Variants in ENPP2 observed in about 807,000 individuals in gnomAD.
ENPP2 encodes the protein ectonucleotide pyrophosphatase/phosphodiesterase 2, also known as autotaxin.
ENPP2 carries 51 observed loss-of-function variants against 120.2 expected under a neutral mutation model. The ratio of observed to expected loss-of-function variants is 0.42; its 90% confidence interval spans 0.34 to 0.54. The LOEUF is 0.54. Ranked by LOEUF, ENPP2 falls within the 20% of genes least tolerant of loss-of-function variation. ENPP2 has a pLI of 0.04. For synonymous variants in ENPP2, 365 were observed against 366.4 expected (o/e 1.00, Z 0.04); for missense variants, 920 against 1,066.5 (o/e 0.86, Z 1.91).
At chr8:119,583,399 G>A (rs1812885362) in intron 17 of ENPP2, among the ~76,000 whole-genome samples, 1 of 152,226 alleles carries the variant, frequency 6.6e-6, no homozygotes, top group South Asian at 2.1e-4. Flanking sequence ...TGGAGGTGGA[G>A]GGGACTCTGT....
intron 12 of ENPP2, chr8:119,593,068 G>T: frequency 2.6e-6 from 1 of 385,438 alleles, no homozygotes; most frequent in African/African-American, 2.2e-5. Flanking sequence ...CAGTCTGCAT[G>T]TCTCTGAGCC....
intron 18 of ENPP2, among the ~76,000 whole-genome samples, chr8:119,581,763 CTTT>C (rs35114182): frequency 2.1e-5 from 3 of 141,090 alleles, no homozygotes; most frequent in Non-Finnish European, 3.1e-5. Flanking sequence ...TTTTCATTTC[CTTT>C]TTTTTTTTTT....
chr8:119,631,020 G>A (rs1056986463), intron 2 of ENPP2, among the ~76,000 whole-genome samples: 3 of 149,610 alleles, frequency 2.0e-5, no homozygotes, highest in East Asian at 3.9e-4. Flanking sequence ...TCAGCCTCCC[G>A]AGTAGCTGGA....
intron 17 of ENPP2, among the ~76,000 whole-genome samples, chr8:119,583,238 T>C (rs1309769747): frequency 6.6e-6 from 1 of 152,182 alleles, no homozygotes; most frequent in African/African-American, 2.4e-5. Context: ...ACTCCCCCTC[T>C]AACCACCAGA....
intron 24 of ENPP2, among the ~76,000 whole-genome samples, chr8:119,559,829 C>T (rs1813775538): frequency 6.6e-6 from 1 of 152,130 alleles, no homozygotes; most frequent in African/African-American, 2.4e-5. Flanking sequence ...ACTTTCTCCC[C>T]AGGTTTGTGA....
At chr8:119,653,436 G>C (rs974714867) in intron 1 of ENPP2, among the ~76,000 whole-genome samples, 5 of 152,142 alleles carry the variant, frequency 3.3e-5, no homozygotes, top group African/African-American at 1.2e-4. Context: ...TTTCAGTTAG[G>C]CAGCAACAAA....
chr8:119,660,405 T>C (rs1203695809), intron 1 of ENPP2, among the ~76,000 whole-genome samples: 1 of 152,206 alleles, frequency 6.6e-6, no homozygotes, highest in Non-Finnish European at 1.5e-5. Context: ...GGAGCTGGGA[T>C]GTAAGCAGTG....
At chr8:119,601,807 C>T (rs939878074) in intron 9 of ENPP2, among the ~76,000 whole-genome samples, 1 of 152,082 alleles carries the variant, frequency 6.6e-6, no homozygotes, top group African/African-American at 2.4e-5. Context: ...TAGCTGTGGC[C>T]ATAAAGGGAT....
intron 2 of ENPP2, among the ~76,000 whole-genome samples, chr8:119,628,174 T>C (rs1816414574): frequency 6.6e-6 from 1 of 152,128 alleles, no homozygotes; most frequent in Admixed American, 6.6e-5. Flanking sequence ...TAGATTAATG[T>C]TGTGGATGGG....
At chr8:119,617,281 A>T in intron 6 of ENPP2, 38 bp from the exon 7 acceptor site, 1 of 1,499,534 alleles carries the variant, frequency 6.7e-7, no homozygotes, top group South Asian at 1.1e-5. Context: ...CAAGAGAACC[A>T]ACAGGAATTG....
intron 24 of ENPP2, among the ~76,000 whole-genome samples, chr8:119,559,904 C>T (rs1356145651): frequency 6.6e-6 from 1 of 152,190 alleles, no homozygotes; most frequent in African/African-American, 2.4e-5. Flanking sequence ...GAACAGGTGA[C>T]CCTTCAACGA....
chr8:119,663,223 T>C (rs1424455994), intron 1 of ENPP2, among the ~76,000 whole-genome samples: 1 of 151,956 alleles, frequency 6.6e-6, no homozygotes, highest in African/African-American at 2.4e-5. Context: ...TCAAGTTAGG[T>C]CAAAAAACAA....
At chr8:119,628,902 G>T (rs1816462714) in intron 2 of ENPP2, among the ~76,000 whole-genome samples, 1 of 152,160 alleles carries the variant, frequency 6.6e-6, no homozygotes, top group Non-Finnish European at 1.5e-5. Flanking sequence ...TAGGGAAAAT[G>T]AGAAAGAAAG....
At chr8:119,625,642 G>T (rs1340424939) in intron 3 of ENPP2, among the ~76,000 whole-genome samples, 1 of 152,220 alleles carries the variant, frequency 6.6e-6, no homozygotes, top group African/African-American at 2.4e-5. Context: ...TTCTGGTGAT[G>T]TCAAGAACAG....
intron 1 of ENPP2, among the ~76,000 whole-genome samples, chr8:119,652,659 G>T (rs1817659810): frequency 6.6e-6 from 1 of 152,118 alleles, no homozygotes; most frequent in South Asian, 2.1e-4. Flanking sequence ...AGCTTCCTAA[G>T]CATCAAGAGA....
chr8:119,557,800 G>C, intron 24 of ENPP2, 109 bp from the exon 25 acceptor site: 1 of 867,338 alleles, frequency 1.2e-6, no homozygotes, highest in Non-Finnish European at 1.7e-6. Context: ...CTTGCACACA[G>C]AGCCAACGCA....
intron 1 of ENPP2, among the ~76,000 whole-genome samples, chr8:119,662,434 C>T (rs1345915152): frequency 6.6e-6 from 1 of 152,058 alleles, no homozygotes; most frequent in Non-Finnish European, 1.5e-5. Flanking sequence ...AATAGCACTA[C>T]CTGGGAACTA....
chr8:119,597,277 G>A lies in ENPP2; in HGVS notation c.972+3401C>T, dbSNP rs536372289. Among the ~76,000 whole-genome samples the A allele has an allele frequency of 1.5e-3, 229 of 152,250 alleles. 2 individuals carry two copies. The South Asian group carries it at 0.017, about 11-fold the overall frequency. ...CAGCAAAAGGAAAAGAGGATTTTCC[G>A]TTTCATGGTCACTGAATACATTCTG... On this transcript the variant is annotated intron_variant, in intron 11 of 24. Coordinates refer to ENST00000075322, the MANE Select transcript of ENPP2 (RefSeq NM_001040092.3).
intron 1 of ENPP2, among the ~76,000 whole-genome samples, chr8:119,670,555 T>C (rs1818210448): frequency 6.6e-6 from 1 of 152,040 alleles, no homozygotes; most frequent in African/African-American, 2.4e-5. Context: ...TAAATAGATA[T>C]TTGTAATAAA....
Sources: allele counts gnomAD v4.1 joint callset (sites outside exome capture counted in the v4.1 genomes callset), GRCh38; gene constraint gnomAD v4.1.1; transcripts MANE v1.5; gene names NCBI Gene and HGNC (gene_info 2026-07-23, HGNC 2026-07-21).